Variants in HRNR observed in about 807,000 individuals in gnomAD.
The protein encoded by HRNR is hornerin.
Under a neutral mutation model 4.8 loss-of-function variants are expected in HRNR, and 7 were observed. That is an observed-to-expected ratio of 1.47 (90% CI 0.83 to 2.75). HRNR has a LOEUF of 2.75. Ranked by LOEUF, HRNR falls within the 30% of genes most tolerant of loss-of-function variation. The pLI, the probability that HRNR is intolerant of heterozygous loss-of-function variation, is 0.00. For synonymous variants in HRNR, 1,023 were observed against 1,242.7 expected, an observed-to-expected ratio of 0.82 and a Z score of 3.72; for missense variants, 2,879 against 3,010.4, an observed-to-expected ratio of 0.96 and a Z score of 1.02.
intron 1 of HRNR, among the ~76,000 whole-genome samples, chr1:152,223,859 G>A (rs1488444777): frequency 6.6e-6 from 1 of 152,178 alleles, no homozygotes; most frequent in Non-Finnish European, 1.5e-5. Flanking sequence ...TTACACAATA[G>A]AGAGGAAAAG....
chr1:152,223,327 G>A, intron 1 of HRNR, 49 bp from the exon 2 acceptor site: 1 of 1,101,376 alleles, frequency 9.1e-7, no homozygotes, highest in South Asian at 1.4e-5. Flanking sequence ...CTTATTTCTT[G>A]TTTAAACACA....
chr1:152,212,847 C>G lies in HRNR; in HGVS notation c.*229G>C, dbSNP rs1366967103. Reference sequence around the variant, plus strand: ...TTAACCCTCATTCTAACAAGTTATTCCACTCAGTATTTTCTAACAAAGTAG... The same window carrying G: ...TTAACCCTCATTCTAACAAGTTATTGCACTCAGTATTTTCTAACAAAGTAG... On this transcript the variant is annotated 3_prime_UTR_variant, in exon 3 of 3. Transcript: ENST00000368801. 2 of 597,998 alleles carry G rather than the reference C, an allele frequency of 3.3e-6. No homozygotes were observed. The highest frequency in any genetic ancestry group is 5.7e-6 in the Non-Finnish European group (2 of 348,450). 37.0% of individuals were successfully genotyped at this position (597,998 alleles called of 1,614,324 possible). A position where few individuals can be genotyped will look rare whatever the true frequency, so the allele number is the denominator to read the frequency against.
Position 152,218,994 on chromosome 1 carries a change from C to G in HRNR, c.2635G>C (p.Gly879Arg), listed in dbSNP as rs773751575. The G allele has an allele frequency of 1.7e-5, 27 of 1,613,732 alleles. No homozygotes were observed. In the South Asian group the frequency reaches 2.9e-4, roughly 17 times the overall value. Residue 879 changes from glycine to arginine, a missense_variant, in exon 3 of 3, where the codon GGC (glycine) becomes CGC (arginine). By Grantham distance (125) the Gly-to-Arg change is moderately radical. Coordinates refer to ENST00000368801, the MANE Select transcript of HRNR (RefSeq NM_001009931.3). Reference protein sequence around the residue: ...QHESASHHASGRGRHGSGSGQ... With the variant: ...QHESASHHASRRGRHGSGSGQ... ...GATCCAGAGCCATGTCGGCCGCGGC[C>G]CGAAGCGTGATGGGAGGCAGACTCA... is the stretch of plus-strand genomic sequence containing the variant.
Position 152,220,166 on chromosome 1 carries a change from G to A in HRNR, c.1463C>T (p.Ser488Phe), listed in dbSNP as rs777766040. The A allele has an allele frequency of 1.2e-6, 2 of 1,613,258 alleles. No individual in the cohort carries two copies. The highest frequency in any genetic ancestry group is 2.2e-5 in the East Asian group (1 of 44,852). Residue 488 changes from serine (S) to phenylalanine (F), a missense_variant, in exon 3 of 3, where the codon TCC becomes TTC. Around this residue, in one of 8 missense-constraint regions of HRNR, gnomAD observed 2,646 missense variants for 1,377.7 expected, o/e 1.92. Transcript: ENST00000368801. ...AGAGCCGTGTTGTCCGTGGCCGGAG[G>A]AGTGACCTGAGCCAGATCCATGCTG... is the stretch of plus-strand genomic sequence containing the variant. ...YTQHGSGSGH[S>F]SGHGQHGSRS...
At position 152,218,863 on chromosome 1, in the gene HRNR, A is replaced by G. The variant is rs377181397; in HGVS notation, c.2766T>C (p.His922=). ...CAGAAGACTGGCCTGAGCCAGACCC[A>G]TGTCGGCCACTGCTGGAAGACCGAC... The part of the protein sequence containing the change: ...GSGRSSSSGR[H]GSGSGQSSGF... Residue 922 remains histidine (H), a synonymous_variant, in exon 3 of 3, where the codon CAT becomes CAC. Coordinates refer to ENST00000368801, the MANE Select transcript of HRNR (RefSeq NM_001009931.3). 9 of 1,613,542 alleles carry G rather than the reference A, an allele frequency of 5.6e-6. No homozygotes were observed. The African/African-American group carries it at 6.7e-5, about 12-fold the overall frequency.
At chr1:152,222,052 G>A (rs1446032724) in intron 2 of HRNR, among the ~76,000 whole-genome samples, 1 of 152,150 alleles carries the variant, frequency 6.6e-6, no homozygotes, top group Non-Finnish European at 1.5e-5. Flanking sequence ...AAACATTGGG[G>A]GTCCTAGAAA....
In HRNR at chr1:152,220,607, C is replaced by G. The variant is rs769792080; in HGVS notation, c.1022G>C (p.Gly341Ala). The G allele has an allele frequency of 1.2e-6, 2 of 1,612,010 alleles. No homozygotes were observed. Among genetic ancestry groups the G allele is most frequent in the African/African-American group, 1.3e-5 (1 of 74,842 alleles). The change falls in exon 3 of 3, where the codon GGC becomes GCC. Residue 341 changes from glycine to alanine, a missense_variant. Physicochemically the swap from Gly to Ala is moderately conservative, Grantham distance 60 (BLOSUM62 0). Transcript: ENST00000368801. ...YSYSRGHYES[G>A]SGQTSGFGQH... ...CCCAAAGCCAGAAGTCTGGCCTGAG[C>G]CAGACTCATAATGGCCACGGCTGTA...
rs754333646 is a variant in HRNR at position 152,218,901 on chromosome 1, C to G, written c.2728G>C (p.Gly910Arg). The G allele has an allele frequency of 1.1e-5, 17 of 1,613,744 alleles. No individual in the cohort carries two copies. The highest frequency in any genetic ancestry group is 2.2e-5 in the East Asian group (1 of 44,856). ...SGQSPSYGRH[G>R]SGSGRSSSSG... ...CTGGAAGACCGACCGGAGCCAGACC[C>G]ATGTCGGCCATAGCTGGGAGACTGC... is the stretch of plus-strand genomic sequence containing the variant. Residue 910 changes from glycine to arginine, a missense_variant, in exon 3 of 3, where the codon GGG becomes CGG. Around this residue, in one of 8 missense-constraint regions of HRNR, gnomAD observed 2,646 missense variants for 1,377.7 expected, o/e 1.92. Transcript: ENST00000368801.
Position 152,219,290 on chromosome 1 carries a change from C to T in HRNR, c.2339G>A (p.Arg780Gln), listed in dbSNP as rs368316243. ...GGAGTGCCCTGAACTGGACCCATGT[C>T]GGACACGGCTAGGAGAGTGGCCAGA... ...SGSGHSPSRV[R>Q]HGSSSGHSSS... is the part of the protein sequence containing the mutation. The change falls in exon 3 of 3, where the codon CGA becomes CAA. Residue 780 changes from arginine (R) to glutamine (Q), a missense_variant. Arg to Gln is a conservative substitution (Grantham distance 43, BLOSUM62 1). Coordinates refer to ENST00000368801, the MANE Select transcript of HRNR (RefSeq NM_001009931.3). The T allele has an allele frequency of 6.2e-5, 100 of 1,609,014 alleles. No individual in the cohort carries two copies. Among genetic ancestry groups the T allele is most frequent in the East Asian group, 3.4e-4 (15 of 44,614 alleles).
rs1648410236 is a variant in HRNR at position 152,212,261 on chromosome 1, T to C, written c.*815A>G. The C allele has an allele frequency of 6.6e-6, 1 of 152,188 alleles. No homozygotes were observed. The highest frequency in any genetic ancestry group is 1.5e-5 in the Non-Finnish European group (1 of 68,046). The allele number at this position is 152,188 out of a possible 1,614,324, so 9.4% of individuals were successfully genotyped here. A position where few individuals can be genotyped will look rare whatever the true frequency, so the allele number is the denominator to read the frequency against. The stretch of plus-strand genomic sequence containing the variant: ...AACGTTATTGAACTACAGTAGTAGG[T>C]GGAAAGCATTGTATTTCCATGGAAT... On this transcript the variant is annotated 3_prime_UTR_variant, in exon 3 of 3. Transcript: ENST00000368801.
rs147277587 is a variant in HRNR, at chr1:152,218,749, G to A, written c.2880C>T (p.His960=). The A allele has an allele frequency of 8.5e-4, 1,367 of 1,613,676 alleles. 8 individuals carry two copies. The highest frequency in any genetic ancestry group is 2.3e-3 in the South Asian group (205 of 91,042). ...TAGATGACTGTCCTGACCTAGAGCCGTGTTGTTCGTAGCTGGAGGAGTGAC... is the reference window on the plus strand; with the variant it reads ...TAGATGACTGTCCTGACCTAGAGCCATGTTGTTCGTAGCTGGAGGAGTGAC... ...GSGHSSSYEQ[H]GSRSGQSSRS... is the part of the protein sequence containing the mutation. Residue 960 remains histidine, a synonymous_variant, in exon 3 of 3, where the codon CAC becomes CAT. Coordinates refer to ENST00000368801, the MANE Select transcript of HRNR (RefSeq NM_001009931.3).
In HRNR at chr1:152,219,973, G is replaced by A. The variant is rs758118321; in HGVS notation, c.1656C>T (p.Ser552=). The A allele has an allele frequency of 1.9e-6, 3 of 1,612,958 alleles. No individual in the cohort carries two copies. Among genetic ancestry groups the A allele is most frequent in the East Asian group, 2.2e-5 (1 of 44,790 alleles). ...SPSRGRHESG[S]RQSSSYGPHG... ...GTGGGCCATAGCTGGAAGACTGCCT[G>A]GAACCAGACTCATGTCGGCCACGGC... is the stretch of plus-strand genomic sequence containing the variant. Residue 552 remains serine, a synonymous_variant, in exon 3 of 3, where the codon TCC becomes TCT. Coordinates refer to ENST00000368801, the MANE Select transcript of HRNR (RefSeq NM_001009931.3).
chr1:152,218,683 G>C lies in HRNR; in HGVS notation c.2946C>G (p.Ser982Arg). Reference protein sequence around the residue: ...QHGSSSGSSSSYGQHGSGSRQ... With the variant: ...QHGSSSGSSSRYGQHGSGSRQ... ...GGGAGCCAGACCCATGCTGACCATA[G>C]CTGGAAGACGAACCTGAGCTAGATC... The change falls in exon 3 of 3, where the codon AGC becomes AGG. Residue 982 changes from serine to arginine, a missense_variant. Ser to Arg is a moderately radical substitution (Grantham distance 110). Coordinates refer to ENST00000368801, the MANE Select transcript of HRNR (RefSeq NM_001009931.3). 3 of 1,613,978 alleles carry C rather than the reference G, an allele frequency of 1.9e-6. No individual in the cohort carries two copies. Among genetic ancestry groups the C allele is most frequent in the South Asian group, 1.1e-5 (1 of 91,068 alleles).
Position 152,220,654 on chromosome 1 carries a change from G to A in HRNR, c.975C>T (p.His325=), listed in dbSNP as rs756150458. 72 of 1,612,156 alleles carry A rather than the reference G, an allele frequency of 4.5e-5. No homozygotes were observed. The Admixed American group carries it at 9.5e-4, about 21-fold the overall frequency. Residue 325 remains histidine (H), a synonymous_variant, in exon 3 of 3, where the codon CAC becomes CAT. Transcript: ENST00000368801. Reference sequence around the variant, plus strand: ...TGTAAGAGTAACTTGAGCCAGACCCGTGTTGGCCGTGGCTGGAGGAGTGCC... The same window carrying A: ...TGTAAGAGTAACTTGAGCCAGACCCATGTTGGCCGTGGCTGGAGGAGTGCC... ...GSGHSSSHGQ[H]GSGSSYSYSR...
Position 152,219,078 on chromosome 1 carries a change from A to C in HRNR, c.2551T>G (p.Ser851Ala), listed in dbSNP as rs200748489. Residue 851 changes from serine (S) to alanine (A), a missense_variant, in exon 3 of 3, where the codon TCA becomes GCA. Ser to Ala is a moderately conservative substitution (Grantham distance 99). Coordinates refer to ENST00000368801, the MANE Select transcript of HRNR (RefSeq NM_001009931.3). ...GAGTCATGTTGGCCGGAGCTTGATGACTGCCCTGACGTAGATCCATGTCGT... is the reference window on the plus strand; with the variant it reads ...GAGTCATGTTGGCCGGAGCTTGATGCCTGCCCTGACGTAGATCCATGTCGT... Reference protein sequence around the residue: ...QGRHGSTSGQSSSSGQHDSSS... With the variant: ...QGRHGSTSGQASSSGQHDSSS... The C allele has an allele frequency of 2.5e-5, 40 of 1,613,588 alleles. No homozygotes were observed. The East Asian group carries it at 6.5e-4, about 26-fold the overall frequency.
Position 152,219,322 on chromosome 1 carries a change from C to T in HRNR, c.2307G>A (p.Gly769=), listed in dbSNP as rs749072360. 6.2e-7 allele frequency: 1 copy of T among 1,605,550 alleles called. No individual in the cohort carries two copies. Among genetic ancestry groups the T allele is most frequent in the Middle Eastern group, 1.7e-4 (1 of 5,968 alleles). Residue 769 remains glycine (G), a synonymous_variant, in exon 3 of 3, where the codon GGG becomes GGA. Transcript: ENST00000368801. The part of the protein sequence containing the change: ...SHQSSGHGRQ[G]SGSGHSPSRV... ...GGCTAGGAGAGTGGCCAGATCCAGA[C>T]CCTTGTCGGCCGTGGCCCGAAGATT...
chr1:152,218,889 C>T lies in HRNR; in HGVS notation c.2740G>A (p.Gly914Ser), dbSNP rs150329486. The T allele has an allele frequency of 1.1e-3, 1,712 of 1,613,234 alleles. 9 individuals carry two copies. In the African/African-American group the frequency reaches 0.017, roughly 16 times the overall value. Residue 914 changes from glycine (G) to serine (S), a missense_variant, in exon 3 of 3, where the codon GGT becomes AGT. By Grantham distance (56) the Gly-to-Ser change is moderately conservative. Transcript: ENST00000368801. ...TGTCGGCCACTGCTGGAAGACCGACCGGAGCCAGACCCATGTCGGCCATAG... is the reference window on the plus strand; with the variant it reads ...TGTCGGCCACTGCTGGAAGACCGACTGGAGCCAGACCCATGTCGGCCATAG... ...PSYGRHGSGS[G>S]RSSSSGRHGS... is the part of the protein sequence containing the mutation.
In HRNR at chr1:152,221,107, A is replaced by C; in HGVS notation, c.522T>G (p.Gly174=). The C allele has an allele frequency of 1.2e-6, 2 of 1,614,194 alleles. No individual in the cohort carries two copies. The highest frequency in any genetic ancestry group is 1.7e-6 in the Non-Finnish European group (2 of 1,180,024). ...DFSGQHNSYS[G]QSSSYGEQNS... is the part of the protein sequence containing the mutation. ...TTTGCTCACCATAGCTGGAAGACTG[A>C]CCTGAGTAGGAGTTATGTTGGCCAG... Residue 174 remains glycine (G), a synonymous_variant, in exon 3 of 3, where the codon GGT becomes GGG. Coordinates refer to ENST00000368801, the MANE Select transcript of HRNR (RefSeq NM_001009931.3).
Position 152,218,434 on chromosome 1 carries a change from T to G in HRNR, c.3195A>C (p.Gln1065His), listed in dbSNP as rs1232429013. The change falls in exon 3 of 3, where the codon CAA becomes CAC. Residue 1065 changes from glutamine (Q) to histidine (H), a missense_variant. Physicochemically the swap from Gln to His is conservative, Grantham distance 24. Around this residue, in one of 8 missense-constraint regions of HRNR, gnomAD observed 2,646 missense variants for 1,377.7 expected, o/e 1.92. Coordinates refer to ENST00000368801, the MANE Select transcript of HRNR (RefSeq NM_001009931.3). ...SRSGQSSGYG[Q>H]HGSSSGHSST... is the part of the protein sequence containing the mutation. ...AGGAATGACCTGAGCTAGATCCATG[T>G]TGACCGTAGCCAGAGGACTGTCCTG... 5 of 1,613,068 alleles carry G rather than the reference T, an allele frequency of 3.1e-6. No homozygotes were observed. Among genetic ancestry groups the G allele is most frequent in the Non-Finnish European group, 8.5e-7 (1 of 1,179,900 alleles).
Sources: gnomAD v4.1 joint callset for allele counts (sites outside exome capture counted in the v4.1 genomes callset) on GRCh38, gnomAD v4.1.1 for gene constraint, gnomAD v4.1.1 regional missense constraint, MANE v1.5 for transcripts, NCBI Gene and HGNC (gene_info 2026-07-23, HGNC 2026-07-21) for gene names.